The following RIPOR3 variants were observed in gnomAD, a reference collection of about 807,000 sequenced individuals.
RIPOR3 encodes RIPOR family member 3.
Under a neutral mutation model 114.3 loss-of-function variants are expected in RIPOR3, and 95 were observed. That is an observed-to-expected ratio of 0.83 (90% CI 0.70 to 0.99). The LOEUF (loss-of-function observed/expected upper bound fraction) is 0.99, where lower values mean the gene tolerates loss of function less well. Ranked by LOEUF, RIPOR3 falls within the 50% of genes least tolerant of loss-of-function variation. The probability of loss-of-function intolerance (pLI) is 0.00; values close to 1 mark genes in which losing one functional copy is unlikely to be tolerated. For synonymous variants in RIPOR3, 575 were observed against 543.8 expected, an observed-to-expected ratio of 1.06 and a Z score of -0.80; for missense variants, 1,252 against 1,266.9, an observed-to-expected ratio of 0.99 and a Z score of 0.18.
chr20:50,587,758 C>A (rs1354197350), intron 21 of RIPOR3, 44 bp downstream of exon 21: 16 of 1,592,992 alleles, frequency 1.0e-5, no homozygotes, highest in Non-Finnish European at 1.2e-5. Flanking sequence ...ATTCTAAGGG[C>A]CCCAGGCACC....
At chr20:50,679,422 C>T (rs992948930) in intron 1 of RIPOR3, among the ~76,000 whole-genome samples, 2 of 150,626 alleles carry the variant, frequency 1.3e-5, no homozygotes, top group African/African-American at 4.9e-5. Flanking sequence ...GTGGGAGGAT[C>T]GCTTGAGTTC....
intron 1 of RIPOR3, among the ~76,000 whole-genome samples, chr20:50,651,364 G>T (rs1187568139): frequency 6.6e-6 from 1 of 152,196 alleles, no homozygotes. Flanking sequence ...CTTGCGATGA[G>T]CAGAGAACTC....
intron 1 of RIPOR3, among the ~76,000 whole-genome samples, chr20:50,638,557 TG>T (rs975714683): frequency 6.6e-6 from 1 of 152,080 alleles, no homozygotes; most frequent in African/African-American, 2.4e-5. Flanking sequence ...GGGGTCACCT[TG>T]AAGACAAAGC....
At position 50,602,080 on chromosome 20, in the gene RIPOR3, G is replaced by A. The variant is rs1011101381; in HGVS notation, c.1651C>T (p.Arg551Trp). The A allele has an allele frequency of 7.7e-6, 12 of 1,561,436 alleles. No individual in the cohort carries two copies. The highest frequency in any genetic ancestry group is 2.3e-5 in the South Asian group (2 of 85,258). Residue 551 changes from arginine to tryptophan, a missense_variant, in exon 13 of 22, where the codon CGG (arginine) becomes TGG (tryptophan). Physicochemically the swap from Arg to Trp is moderately radical, Grantham distance 101. Coordinates refer to ENST00000327979, the MANE Select transcript of RIPOR3 (RefSeq NM_001290268.2). The surrounding 1 kb of genome is among the most constrained non-coding windows in gnomAD (Gnocchi z 4.3). ...GGGCGGGGTGGCCATACCTTCAGCCGGTCCCGGAAGCCGAGGACCTGGTAC... is the reference window on the plus strand; with the variant it reads ...GGGCGGGGTGGCCATACCTTCAGCCAGTCCCGGAAGCCGAGGACCTGGTAC... The part of the protein sequence containing the change: ...LEYQVLGFRD[R>W]LKPCRARQEH...
At chr20:50,587,551 C>G (rs910068940) in intron 21 of RIPOR3, among the ~76,000 whole-genome samples, 3 of 152,204 alleles carry the variant, frequency 2.0e-5, no homozygotes, top group African/African-American at 7.2e-5. Context: ...GGAACCCTGC[C>G]TTGCCTCTGG....
intron 1 of RIPOR3, among the ~76,000 whole-genome samples, chr20:50,677,859 G>T (rs536306588): frequency 4.6e-5 from 7 of 151,416 alleles, no homozygotes; most frequent in African/African-American, 7.3e-5. Context: ...TAGTAGAGAC[G>T]GGGTTTCACC....
intron 1 of RIPOR3, among the ~76,000 whole-genome samples, chr20:50,654,235 C>T (rs947755124): frequency 7.9e-5 from 12 of 151,390 alleles, no homozygotes; most frequent in African/African-American, 2.4e-4. Context: ...GGCGCAATAT[C>T]GGTTCACTGC....
chr20:50,651,629 C>T (rs2085617030), intron 1 of RIPOR3, among the ~76,000 whole-genome samples: 1 of 152,186 alleles, frequency 6.6e-6, no homozygotes, highest in South Asian at 2.1e-4. Context: ...GAACGTTGTC[C>T]ACACTCCCTT....
chr20:50,643,950 T>C (rs2085297248), intron 1 of RIPOR3, among the ~76,000 whole-genome samples: 1 of 151,882 alleles, frequency 6.6e-6, no homozygotes, highest in South Asian at 2.1e-4. Flanking sequence ...CCTGACCTCG[T>C]GATCCGCCCA....
chr20:50,671,422 G>A (rs1214641942), intron 1 of RIPOR3, among the ~76,000 whole-genome samples: 5 of 18,862 alleles, frequency 2.7e-4, no homozygotes, highest in Admixed American at 2.4e-3. Context: ...GCGTGCACGC[G>A]CGCGCGCACA....
rs142339908 is a variant in RIPOR3, at chr20:50,589,335, T to C, written c.2661+351A>G. On this transcript the variant is annotated intron_variant, in intron 20 of 21. Transcript: ENST00000327979. ...TTTTTTTTTTTTTTTTAAGATGGAG[T>C]CTTGCTCTGTCACCCAGGCTGCAGT... is the stretch of plus-strand genomic sequence containing the variant. Among the ~76,000 whole-genome samples, 247 of 149,748 alleles carry C rather than the reference T, an allele frequency of 1.6e-3. No individual in the cohort carries two copies. In the East Asian group the frequency reaches 0.022, roughly 13 times the overall value.
intron 1 of RIPOR3, among the ~76,000 whole-genome samples, chr20:50,651,664 C>A (rs2085618602): frequency 6.6e-6 from 1 of 152,156 alleles, no homozygotes; most frequent in Non-Finnish European, 1.5e-5. Flanking sequence ...TCCTCGGTTT[C>A]CTCATCTGTG....
At chr20:50,641,521 TAC>T (rs1182357295) in intron 1 of RIPOR3, among the ~76,000 whole-genome samples, 6 of 152,222 alleles carry the variant, frequency 3.9e-5, no homozygotes, top group Non-Finnish European at 8.8e-5. Flanking sequence ...TAGCTGGGAC[TAC>T]AGGTGTGAGC....
chr20:50,601,863 C>T (rs73272554), intron 13 of RIPOR3, among the ~76,000 whole-genome samples: 2,581 of 152,316 alleles, frequency 0.017, 63 homozygotes, highest in African/African-American at 0.058. Flanking sequence ...CTACTGTGAA[C>T]TCTTAAAATC....
chr20:50,633,682 C>A (rs2084891674), intron 1 of RIPOR3, among the ~76,000 whole-genome samples: 1 of 152,158 alleles, frequency 6.6e-6, no homozygotes, highest in Non-Finnish European at 1.5e-5. Flanking sequence ...GGAGCTTCAC[C>A]CCAGTCACTC....
At chr20:50,596,411 A>T in intron 14 of RIPOR3, 148 bp from the exon 15 acceptor site, 1 of 1,173,502 alleles carries the variant, frequency 8.5e-7, no homozygotes, top group Non-Finnish European at 1.2e-6. Flanking sequence ...GGGGAAAGGA[A>T]CAAAGGGTGG....
At chr20:50,687,499 T>G (rs1460667882) in intron 1 of RIPOR3, among the ~76,000 whole-genome samples, 1 of 152,240 alleles carries the variant, frequency 6.6e-6, no homozygotes, top group Non-Finnish European at 1.5e-5. Flanking sequence ...TGGCAAAGGT[T>G]TAGCAACCAG....
chr20:50,666,189 T>TC (rs2086197093), intron 1 of RIPOR3, among the ~76,000 whole-genome samples: 7 of 20,936 alleles, frequency 3.3e-4, no homozygotes, highest in Admixed American at 9.6e-4. Flanking sequence ...ACCCATTTCT[T>TC]TTCTTTTCTT....
chr20:50,637,112 G>A (rs919538607), intron 1 of RIPOR3, among the ~76,000 whole-genome samples: 2 of 152,164 alleles, frequency 1.3e-5, no homozygotes, highest in East Asian at 3.9e-4. Flanking sequence ...GAACCAGTTC[G>A]CCTGTACCAG....
Sources: gnomAD v4.1 joint callset for allele counts (sites outside exome capture counted in the v4.1 genomes callset) on GRCh38, gnomAD v4.1.1 for gene constraint, Gnocchi (gnomAD v3.1) non-coding constraint, MANE v1.5 for transcripts, NCBI Gene and HGNC (gene_info 2026-07-23, HGNC 2026-07-21) for gene names.